MAPK10: variants seen among roughly 807,000 people sequenced by gnomAD.
MAPK10 encodes mitogen-activated protein kinase 10.
Under a neutral mutation model 59.3 loss-of-function variants are expected in MAPK10, and 25 were observed. That is an observed-to-expected ratio of 0.42 (90% confidence interval 0.31 to 0.59). The LOEUF (loss-of-function observed/expected upper bound fraction) is 0.59, where lower values mean the gene tolerates loss of function less well. MAPK10 is among the 20% of genes least tolerant of loss of function. The pLI is 0.15. For missense variants in MAPK10, 351 were observed against 568.9 expected (o/e 0.62, Z 3.90); for synonymous variants, 190 against 200.5 (o/e 0.95, Z 0.44).
At chr4:86,126,255 TTA>T (rs1026033797) in intron 4 of MAPK10, among the ~76,000 whole-genome samples, 4 of 152,106 alleles carry the variant, frequency 2.6e-5, no homozygotes, top group African/African-American at 9.7e-5. Flanking sequence ...TGTCTATTCT[TTA>T]TCTTTTCTTG....
intron 2 of MAPK10, among the ~76,000 whole-genome samples, chr4:86,214,511 TA>T (rs70948783): frequency 0.07 from 5,308 of 75,922 alleles, 113 homozygotes; most frequent in East Asian, 0.18. Context: ...TAAGATTCCT[TA>T]AAAAAAAAAA....
intron 1 of MAPK10, among the ~76,000 whole-genome samples, chr4:86,431,392 C>T (rs918956538): frequency 1.3e-5 from 2 of 152,112 alleles, no homozygotes; most frequent in Non-Finnish European, 2.9e-5. Context: ...ATATTGACAA[C>T]ATTGAGGGTC....
chr4:86,346,588 T>C (rs1728345777), intron 2 of MAPK10, among the ~76,000 whole-genome samples: 1 of 152,078 alleles, frequency 6.6e-6, no homozygotes, highest in Admixed American at 6.6e-5. Context: ...AATATGGTCA[T>C]TCCTTGGTAT....
chr4:86,254,811 AG>A (rs1302821752), intron 2 of MAPK10, among the ~76,000 whole-genome samples: 3 of 151,812 alleles, frequency 2.0e-5, no homozygotes, highest in Non-Finnish European at 4.4e-5. Flanking sequence ...TGGGAGTCTA[AG>A]TCTCTTTGTA....
chr4:86,076,441 A>T (rs1456217780), intron 9 of MAPK10, among the ~76,000 whole-genome samples: 2 of 152,120 alleles, frequency 1.3e-5, no homozygotes, highest in African/African-American at 4.8e-5. Context: ...TTATAATAAC[A>T]ATTAACCTAA....
At chr4:86,033,135 T>G (rs919356612) in intron 11 of MAPK10, among the ~76,000 whole-genome samples, 5 of 152,210 alleles carry the variant, frequency 3.3e-5, no homozygotes, top group African/African-American at 9.6e-5. Context: ...ACATTCTGAC[T>G]TAGTGAGTGA....
chr4:86,269,542 C>T (rs2094363459), intron 2 of MAPK10, among the ~76,000 whole-genome samples: 1 of 152,080 alleles, frequency 6.6e-6, no homozygotes, highest in African/African-American at 2.4e-5. Flanking sequence ...TGTCTCAGCC[C>T]TCAAGGCCCT....
At chr4:86,331,754 C>T (rs1354455036) in intron 2 of MAPK10, among the ~76,000 whole-genome samples, 1 of 152,224 alleles carries the variant, frequency 6.6e-6, no homozygotes, top group East Asian at 1.9e-4. Flanking sequence ...GACTCAAGCA[C>T]TTTTTATTAA....
At chr4:86,458,624 G>A (rs898445982) in intron 1 of MAPK10, among the ~76,000 whole-genome samples, 3 of 152,128 alleles carry the variant, frequency 2.0e-5, no homozygotes, top group Non-Finnish European at 4.4e-5. Flanking sequence ...AATACTTACA[G>A]CCAACTGATT....
intron 1 of MAPK10, among the ~76,000 whole-genome samples, chr4:86,579,241 T>C (rs533824411): frequency 1.3e-5 from 2 of 152,164 alleles, no homozygotes; most frequent in Non-Finnish European, 2.9e-5. Context: ...TACAAGAAAC[T>C]TTCCTATCTC....
chr4:86,547,743 A>G (rs1045845552), intron 1 of MAPK10, among the ~76,000 whole-genome samples: 1 of 152,136 alleles, frequency 6.6e-6, no homozygotes, highest in African/African-American at 2.4e-5. Context: ...CTTTATATCT[A>G]GCTAAGGGAT....
At chr4:86,434,750 C>CA (rs1044018885) in intron 1 of MAPK10, among the ~76,000 whole-genome samples, 1 of 152,130 alleles carries the variant, frequency 6.6e-6, no homozygotes, top group Admixed American at 6.5e-5. Flanking sequence ...CCTCAAAAAA[C>CA]AAAAAATAGA....
In MAPK10 at chr4:86,479,698, T is replaced by C. The variant is rs183870116; in HGVS notation, c.-263+114212A>G. Among the ~76,000 whole-genome samples the C allele has an allele frequency of 7.4e-3, 1,132 of 152,288 alleles. 12 individuals carry two copies. Among genetic ancestry groups the C allele is most frequent in the African/African-American group, 0.024 (1,001 of 41,558 alleles). On this transcript the variant is annotated intron_variant, in intron 1 of 4. Coordinates refer to the MAPK10 transcript ENST00000502302. ...CTTTGCCGGCAGGGCTATGCTGAACTTCCTTAGGCACTCTCTAGTTAGATG... is the reference window on the plus strand; with the variant it reads ...CTTTGCCGGCAGGGCTATGCTGAACCTCCTTAGGCACTCTCTAGTTAGATG...
intron 1 of MAPK10, among the ~76,000 whole-genome samples, chr4:86,591,365 TTTA>T (rs553024157): frequency 6.6e-6 from 1 of 152,008 alleles, no homozygotes; most frequent in African/African-American, 2.4e-5. Flanking sequence ...CATATGTTTT[TTTA>T]TTATTATTAT....
chr4:86,121,729 A>C (rs960209862), intron 4 of MAPK10, among the ~76,000 whole-genome samples: 3 of 152,092 alleles, frequency 2.0e-5, no homozygotes, highest in Non-Finnish European at 4.4e-5. Flanking sequence ...TTGGGTTGAG[A>C]ACAAAAATCT....
chr4:86,103,590 G>A (rs2055966391), intron 5 of MAPK10, among the ~76,000 whole-genome samples: 1 of 152,110 alleles, frequency 6.6e-6, no homozygotes, highest in Admixed American at 6.6e-5. Context: ...CATGTGAGGA[G>A]AGAGGTGGCA....
chr4:86,028,906 G>C (rs1374050875), intron 13 of MAPK10: 2 of 406,048 alleles, frequency 4.9e-6, no homozygotes, highest in Non-Finnish European at 9.2e-6. Context: ...TCTGAATTTT[G>C]ATGAGGCACA....
At chr4:86,416,107 A>G (rs1745832407) in intron 1 of MAPK10, among the ~76,000 whole-genome samples, 1 of 152,194 alleles carries the variant, frequency 6.6e-6, no homozygotes, top group Admixed American at 6.5e-5. Context: ...GCCTCTACAG[A>G]GGTAATTAAT....
chr4:86,323,564 T>C (rs186657606), intron 2 of MAPK10, among the ~76,000 whole-genome samples: 10 of 152,296 alleles, frequency 6.6e-5, no homozygotes, highest in African/African-American at 2.2e-4. Flanking sequence ...AAAATCATAA[T>C]CACTCCTACA....
Sources: allele counts gnomAD v4.1 joint callset (sites outside exome capture counted in the v4.1 genomes callset), GRCh38; gene constraint gnomAD v4.1.1; transcripts MANE v1.5; gene names NCBI Gene and HGNC (gene_info 2026-07-23, HGNC 2026-07-21).